Variants in TET1 observed in about 807,000 individuals in gnomAD.
TET1 encodes methylcytosine dioxygenase TET1.
A neutral mutation model predicts 148.7 loss-of-function variants in TET1; 13 were observed. The observed-to-expected ratio is 0.09, with a 90% confidence interval of 0.06 to 0.14. TET1 has a LOEUF of 0.14. Among genes scored for constraint, TET1 ranks in the 10% least tolerant of loss-of-function variants. The probability of loss-of-function intolerance (pLI) is 1.00; values close to 1 mark genes in which losing one functional copy is unlikely to be tolerated. For synonymous variants in TET1, 907 were observed against 937.2 expected (o/e 0.97, Z 0.59); for missense variants, 2,182 against 2,553.8 (o/e 0.85, Z 3.14).
At chr10:68,586,436 C>T (rs2053861785) in intron 2 of TET1, among the ~76,000 whole-genome samples, 1 of 151,142 alleles carries the variant, frequency 6.6e-6, no homozygotes, top group African/African-American at 2.4e-5. Flanking sequence ...CCTCGGCCTC[C>T]CAGCTTGCTG....
Position 68,667,187 on chromosome 10 carries a change from C to T in TET1, c.4604C>T (p.Thr1535Ile). 1 of 1,614,104 alleles carries T rather than the reference C, an allele frequency of 6.2e-7. No homozygotes were observed. Among genetic ancestry groups the T allele is most frequent in the Non-Finnish European group, 8.5e-7 (1 of 1,180,016 alleles). Residue 1535 changes from threonine (T) to isoleucine (I), a missense_variant, in exon 7 of 12, where the codon ACA becomes ATA. Thr to Ile is a moderately conservative substitution (Grantham distance 89, BLOSUM62 -1). Transcript: ENST00000373644. Reference protein sequence around the residue: ...IPLPMADRLYTELTENLKSYN... With the variant: ...IPLPMADRLYIELTENLKSYN... ...CTTCCAATGGCCGACCGGCTATACA[C>T]AGAGCTCACAGAGAATCTAAAGTCA... is the stretch of plus-strand genomic sequence containing the variant.
intron 6 of TET1, among the ~76,000 whole-genome samples, chr10:68,663,803 T>G (rs992030878): frequency 3.3e-5 from 5 of 152,224 alleles, no homozygotes; most frequent in African/African-American, 1.2e-4. Context: ...GCTGTTTAAA[T>G]ACTTGGTTTT....
At chr10:68,657,041 AT>A (rs2055033120) in intron 6 of TET1, among the ~76,000 whole-genome samples, 2 of 147,102 alleles carry the variant, frequency 1.4e-5, no homozygotes, top group African/African-American at 5.1e-5. Flanking sequence ...AAAAAAAAAA[AT>A]TTCCCATTTG....
chr10:68,662,441 C>T (rs1010456147), intron 6 of TET1, among the ~76,000 whole-genome samples: 5 of 152,028 alleles, frequency 3.3e-5, no homozygotes, highest in Non-Finnish European at 4.4e-5. Context: ...GATGTCTTTA[C>T]TTATTATTAA....
intron 3 of TET1, among the ~76,000 whole-genome samples, chr10:68,639,763 G>T (rs183311040): frequency 1.1e-4 from 17 of 152,088 alleles, no homozygotes; most frequent in South Asian, 2.1e-4. Flanking sequence ...ACCATGCCCC[G>T]CCCTTTCTGT....
At position 68,560,452 on chromosome 10, in the gene TET1, C is replaced by T. The variant is rs563472666; in HGVS notation, c.-413C>T. 2.6e-5 allele frequency among the ~76,000 whole-genome samples: 4 copies of T among 152,338 alleles called. No individual in the cohort carries two copies. The highest frequency in any genetic ancestry group is 1.3e-4 in the Admixed American group (2 of 15,304). ...GTGCGCGCAGCCGCTGGCCCCTCTACTCCCGGGTCTGCCCCCCGGGACACC... is the reference window on the plus strand; with the variant it reads ...GTGCGCGCAGCCGCTGGCCCCTCTATTCCCGGGTCTGCCCCCCGGGACACC... On this transcript the variant is annotated 5_prime_UTR_variant, in exon 1 of 12. Transcript: ENST00000373644.
Position 68,627,296 on chromosome 10 carries a change from G to C in TET1, c.1969-17402G>C, listed in dbSNP as rs1028911272. On this transcript the variant is annotated intron_variant, in intron 3 of 11. Coordinates refer to ENST00000373644, the MANE Select transcript of TET1 (RefSeq NM_030625.3). The stretch of plus-strand genomic sequence containing the variant: ...GTGGTGGTCCGTGCCTGTAATCCTA[G>C]CTACTCAGGAGGCTGAGACAGGAGA... 5.3e-5 allele frequency among the ~76,000 whole-genome samples: 8 copies of C among 152,064 alleles called. No homozygotes were observed. In the East Asian group the frequency reaches 1.5e-3, roughly 29 times the overall value.
At chr10:68,671,443 C>A (rs1234534105) in intron 7 of TET1, among the ~76,000 whole-genome samples, 1 of 152,194 alleles carries the variant, frequency 6.6e-6, no homozygotes, top group African/African-American at 2.4e-5. Flanking sequence ...TTTATCTAAT[C>A]TGTCATTGAT....
intron 4 of TET1, among the ~76,000 whole-genome samples, chr10:68,649,622 A>G (rs1198174882): frequency 2.0e-5 from 3 of 151,924 alleles, no homozygotes; most frequent in African/African-American, 7.3e-5. Context: ...AAAAAAAAAA[A>G]AGGGAGAGAA....
intron 2 of TET1, among the ~76,000 whole-genome samples, chr10:68,575,616 C>T (rs553067321): frequency 6.6e-6 from 1 of 151,860 alleles, no homozygotes; most frequent in South Asian, 2.1e-4. Flanking sequence ...GCAGTAGAAT[C>T]GCTTGAACCC....
At chr10:68,562,159 A>G (rs2053562002) in intron 1 of TET1, among the ~76,000 whole-genome samples, 1 of 152,080 alleles carries the variant, frequency 6.6e-6, no homozygotes. Context: ...GCGGCGCTGT[A>G]TAGCAGCAGC....
intron 6 of TET1, among the ~76,000 whole-genome samples, chr10:68,657,277 C>T (rs1446300417): frequency 2.0e-5 from 3 of 151,972 alleles, no homozygotes; most frequent in Admixed American, 6.6e-5. Context: ...CCCAAGTTCA[C>T]GCCATTCTCC....
intron 3 of TET1, among the ~76,000 whole-genome samples, chr10:68,621,774 GATT>G (rs1248480377): frequency 5.3e-5 from 8 of 152,074 alleles, no homozygotes; most frequent in Non-Finnish European, 1.5e-5. Flanking sequence ...CTAACCTTAG[GATT>G]AAAGAACTGA....
chr10:68,694,404 A>G lies in TET1; in HGVS notation c.*2590A>G, dbSNP rs1378343841. 8.6e-6 allele frequency: 2 copies of G among 232,272 alleles called. No homozygotes were observed. The highest frequency in any genetic ancestry group is 1.7e-5 in the Non-Finnish European group (2 of 117,596). The allele number at this position is 232,272 out of a possible 1,614,324, so 14.4% of individuals were successfully genotyped here. On this transcript the variant is annotated 3_prime_UTR_variant, in exon 12 of 12. Transcript: ENST00000373644. The stretch of plus-strand genomic sequence containing the variant: ...CAATGTTCTGCAGCATTGTGATTGT[A>G]TGCTGGCTACACTGCTTTTAGAATG...
rs2055618468 is a variant in TET1, at chr10:68,693,491, A to G, written c.*1677A>G. 1 of 233,346 alleles carries G rather than the reference A, an allele frequency of 4.3e-6. No individual in the cohort carries two copies. Among genetic ancestry groups the G allele is most frequent in the Non-Finnish European group, 8.5e-6 (1 of 117,882 alleles). 14.5% of individuals were successfully genotyped at this position (233,346 alleles called of 1,614,324 possible). A position where few individuals can be genotyped will look rare whatever the true frequency, so the allele number is the denominator to read the frequency against. On this transcript the variant is annotated 3_prime_UTR_variant, in exon 12 of 12. Coordinates refer to ENST00000373644, the MANE Select transcript of TET1 (RefSeq NM_030625.3). ...ATTAAAATAATATCTGGTGCAAAGT[A>G]TCTGTTTTGAGCTTTTGACTAATCC...
At chr10:68,580,111 A>G (rs939112744) in intron 2 of TET1, among the ~76,000 whole-genome samples, 2 of 151,542 alleles carry the variant, frequency 1.3e-5, no homozygotes, top group African/African-American at 4.8e-5. Flanking sequence ...TATTTTTAAT[A>G]GAGATGGGGT....
chr10:68,563,730 A>G (rs1252299088), intron 1 of TET1, among the ~76,000 whole-genome samples: 1 of 152,176 alleles, frequency 6.6e-6, no homozygotes, highest in Non-Finnish European at 1.5e-5. Context: ...CTCCCAGGCT[A>G]GAGTGCAGTG....
Position 68,693,906 on chromosome 10 carries a change from C to T in TET1, c.*2092C>T, listed in dbSNP as rs1478240096. 5 of 227,248 alleles carry T rather than the reference C, an allele frequency of 2.2e-5. No homozygotes were observed. Among genetic ancestry groups the T allele is most frequent in the East Asian group, 6.3e-5 (1 of 15,808 alleles). 14.1% of individuals were successfully genotyped at this position (227,248 alleles called of 1,614,324 possible). On this transcript the variant is annotated 3_prime_UTR_variant, in exon 12 of 12. Transcript: ENST00000373644. ...TGCATCCACTCATCTACTCATTCTT[C>T]GAGTCTACACTTATTGAATGCCTGC...
intron 6 of TET1, among the ~76,000 whole-genome samples, chr10:68,661,872 T>A (rs1004606988): frequency 7.8e-4 from 60 of 77,100 alleles, no homozygotes; most frequent in African/African-American, 1.2e-3. Context: ...TTAAAAAAAA[T>A]TTTTTTTCTT....
Sources: allele counts gnomAD v4.1 joint callset (sites outside exome capture counted in the v4.1 genomes callset), GRCh38; gene constraint gnomAD v4.1.1; transcripts MANE v1.5; gene names NCBI Gene and HGNC (gene_info 2026-07-23, HGNC 2026-07-21).